PRKCB: variants seen among roughly 807,000 people sequenced by gnomAD.
The protein encoded by PRKCB is protein kinase C beta type.
Under a neutral mutation model 81.5 loss-of-function variants are expected in PRKCB, and 13 were observed. The observed-to-expected ratio is 0.16, with a 90% confidence interval of 0.10 to 0.25. The LOEUF (loss-of-function observed/expected upper bound fraction) is 0.25, where lower values mean the gene tolerates loss of function less well. PRKCB is among the 10% of genes least tolerant of loss of function. The pLI is 1.00. For missense variants in PRKCB, 509 were observed against 875.7 expected (o/e 0.58, Z 5.29); for synonymous variants, 335 against 321.4 (o/e 1.04, Z -0.45).
chr16:23,880,346 T>C (rs1042188726), intron 2 of PRKCB, among the ~76,000 whole-genome samples: 4 of 152,224 alleles, frequency 2.6e-5, no homozygotes, highest in Non-Finnish European at 5.9e-5. Flanking sequence ...CACTAGCACC[T>C]GAAAGAGGAG....
chr16:24,082,736 AG>A (rs1419321112), intron 5 of PRKCB, among the ~76,000 whole-genome samples: 1 of 152,164 alleles, frequency 6.6e-6, no homozygotes, highest in African/African-American at 2.4e-5. Context: ...CAAAATATAA[AG>A]GTATAAAATT....
In PRKCB at chr16:23,996,451, A is replaced by G. The variant is rs1231373652; in HGVS notation, c.288+7861A>G. On this transcript the variant is annotated intron_variant, in intron 3 of 16. Transcript: ENST00000643927. ...GCTCAATCTGCCAGCAGCAGAGACC[A>G]ACACTGAGTTCCTGATATGGCACCA... Among the ~76,000 whole-genome samples, 7 of 152,196 alleles carry G rather than the reference A, an allele frequency of 4.6e-5. No individual in the cohort carries two copies. The East Asian group carries it at 1.4e-3, about 29-fold the overall frequency.
At chr16:24,011,521 A>ATT (rs1006787359) in intron 3 of PRKCB, among the ~76,000 whole-genome samples, 10 of 151,590 alleles carry the variant, frequency 6.6e-5, no homozygotes, top group African/African-American at 2.2e-4. Context: ...GTTTTGTTTT[A>ATT]TTTTGTTTTG....
chr16:23,930,301 G>C (rs563000066), intron 2 of PRKCB, among the ~76,000 whole-genome samples: 1 of 152,192 alleles, frequency 6.6e-6, no homozygotes, highest in Non-Finnish European at 1.5e-5. Context: ...TGGCATGGTG[G>C]CTCACCCCTA....
intron 5 of PRKCB, among the ~76,000 whole-genome samples, chr16:24,083,411 C>G (rs1966274090): frequency 6.6e-6 from 1 of 152,144 alleles, no homozygotes; most frequent in Admixed American, 6.5e-5. Flanking sequence ...TTTGTAATCA[C>G]TAAAATTTGA....
chr16:24,174,850 T>A (rs980645917), intron 12 of PRKCB: 2 of 378,524 alleles, frequency 5.3e-6, no homozygotes, highest in African/African-American at 2.0e-5. Flanking sequence ...AAGAGGAGAC[T>A]CACAGAGAGG....
intron 2 of PRKCB, among the ~76,000 whole-genome samples, chr16:23,961,096 A>T (rs746164898): frequency 6.6e-6 from 1 of 151,958 alleles, no homozygotes; most frequent in African/African-American, 2.4e-5. Flanking sequence ...TTTTTAAGAA[A>T]TGAGGTCTCA....
intron 3 of PRKCB, among the ~76,000 whole-genome samples, chr16:24,020,856 TTC>T (rs1428534269): frequency 1.3e-5 from 2 of 152,374 alleles, no homozygotes; most frequent in Non-Finnish European, 2.9e-5. Context: ...AGCTTGTGTT[TTC>T]TCTCTGTGTG....
intron 2 of PRKCB, among the ~76,000 whole-genome samples, chr16:23,890,055 G>A (rs16972959): frequency 0.15 from 23,099 of 152,168 alleles, 2,180 homozygotes; most frequent in East Asian, 0.23. Context: ...TTTACACATA[G>A]TAGACACTCA....
At chr16:24,047,437 G>A (rs529451216) in intron 5 of PRKCB, among the ~76,000 whole-genome samples, 12 of 152,062 alleles carry the variant, frequency 7.9e-5, no homozygotes, top group Admixed American at 2.6e-4. Flanking sequence ...AGGCTGAGGC[G>A]GGAAGATGAC....
chr16:24,130,422 G>A (rs778193378), intron 9 of PRKCB, among the ~76,000 whole-genome samples: 1 of 152,130 alleles, frequency 6.6e-6, no homozygotes, highest in Non-Finnish European at 1.5e-5. Context: ...GCAAAGAGGG[G>A]AAATAGTAAA....
At chr16:24,079,477 A>AT (rs960447672) in intron 5 of PRKCB, among the ~76,000 whole-genome samples, 15 of 151,616 alleles carry the variant, frequency 9.9e-5, no homozygotes, top group African/African-American at 2.2e-4. Context: ...TTAGAGTAAC[A>AT]TTTTTTTTTC....
chr16:24,136,332 A>G (rs1966864686), intron 9 of PRKCB, among the ~76,000 whole-genome samples: 1 of 152,210 alleles, frequency 6.6e-6, no homozygotes, highest in South Asian at 2.1e-4. Flanking sequence ...ACAACCTTCC[A>G]TCTGCTGCAA....
At chr16:23,891,021 GTA>G (rs55920579) in intron 2 of PRKCB, among the ~76,000 whole-genome samples, 8 of 148,224 alleles carry the variant, frequency 5.4e-5, no homozygotes, top group East Asian at 3.9e-4. Context: ...GTGTGTGTGT[GTA>G]TATATATAAT....
rs1402118615 is a variant in PRKCB, at chr16:24,172,342, T to C, written c.1312T>C (p.Phe438Leu). 3.1e-6 allele frequency: 5 copies of C among 1,613,790 alleles called. No homozygotes were observed. The South Asian group carries it at 4.4e-5, about 14-fold the overall frequency. Residue 438 changes from phenylalanine to leucine, a missense_variant, in exon 11 of 17, where the codon TTC becomes CTC. This residue lies in a region of PRKCB where 106 missense variants were observed against 214.0 expected (regional missense o/e 0.50). Coordinates refer to ENST00000643927, the MANE Select transcript of PRKCB (RefSeq NM_002738.7). ...GTATCACATCCAGCAAGTCGGCCGG[T>C]TCAAGGAGCCCCATGCTGTGTAAGT... ...LMYHIQQVGR[F>L]KEPHAVFYAA...
chr16:24,012,870 C>T (rs547185099), intron 3 of PRKCB, among the ~76,000 whole-genome samples: 3 of 152,368 alleles, frequency 2.0e-5, no homozygotes, highest in Admixed American at 6.5e-5. Flanking sequence ...CTCCTCTGTT[C>T]ATCCTGCCAC....
At chr16:24,008,566 C>T (rs1052628628) in intron 3 of PRKCB, among the ~76,000 whole-genome samples, 65 of 152,268 alleles carry the variant, frequency 4.3e-4, no homozygotes, top group African/African-American at 1.5e-3. Flanking sequence ...GTAAGCAGAG[C>T]CCCAGAAGCC....
chr16:23,859,591 A>G (rs1018532863), intron 2 of PRKCB, among the ~76,000 whole-genome samples: 3 of 152,220 alleles, frequency 2.0e-5, no homozygotes, highest in Admixed American at 1.3e-4. Context: ...GGTCCTGGGG[A>G]GGCTGCACAG....
intron 2 of PRKCB, among the ~76,000 whole-genome samples, chr16:23,923,450 G>A (rs1963853700): frequency 6.6e-6 from 1 of 152,032 alleles, no homozygotes; most frequent in Non-Finnish European, 1.5e-5. Flanking sequence ...TAGGGCCAGT[G>A]AAAAAGCAAT....
Sources: gnomAD v4.1 joint callset for allele counts (sites outside exome capture counted in the v4.1 genomes callset) on GRCh38, gnomAD v4.1.1 for gene constraint, gnomAD v4.1.1 regional missense constraint, MANE v1.5 for transcripts, NCBI Gene and HGNC (gene_info 2026-07-23, HGNC 2026-07-21) for gene names.